Variants in TES observed in about 807,000 individuals in gnomAD.
The protein encoded by TES is testin.
In TES, 41 loss-of-function variants were observed where a neutral mutation model predicts 48.2. The ratio of observed to expected loss-of-function variants is 0.85; its 90% confidence interval spans 0.66 to 1.10. The LOEUF is 1.10. Ranked by LOEUF, TES falls within the 50% of genes least tolerant of loss-of-function variation. The pLI is 0.00. For missense variants in TES, 463 were observed against 515.1 expected (o/e 0.90, Z 0.98); for synonymous variants, 162 against 174.9 (o/e 0.93, Z 0.58).
intron 1 of TES, among the ~76,000 whole-genome samples, chr7:116,232,772 CTTTCA>C (rs778269764): frequency 2.2e-4 from 34 of 152,250 alleles, no homozygotes; most frequent in Non-Finnish European, 4.1e-4. Flanking sequence ...AATTTAAAGA[CTTTCA>C]TTTCTTTTGA....
chr7:116,251,804 C>T lies in TES; in HGVS notation c.747C>T (p.Ala249=). 1.2e-6 allele frequency: 2 copies of T among 1,614,206 alleles called. No individual in the cohort carries two copies. Among genetic ancestry groups the T allele is most frequent in the Non-Finnish European group, 1.7e-6 (2 of 1,180,048 alleles). The stretch of plus-strand genomic sequence containing the variant: ...TGAGTATGAAAGAAGGTGACCCAGC[C>T]ATCTATGCCGAAAGGGCTGGCTATG... The part of the protein sequence containing the change: ...CKLSMKEGDP[A]IYAERAGYDK... The change falls in exon 5 of 7, where the codon GCC becomes GCT. Residue 249 remains alanine (A), a synonymous_variant. Transcript: ENST00000358204.
intron 2 of TES, among the ~76,000 whole-genome samples, chr7:116,240,016 C>T (rs1799824308): frequency 1.3e-5 from 2 of 152,062 alleles, no homozygotes; most frequent in South Asian, 2.1e-4. Flanking sequence ...ATTAAAAATG[C>T]GTTACTTGAT....
intron 2 of TES, among the ~76,000 whole-genome samples, chr7:116,246,947 CTT>C (rs35662534): frequency 9.8e-4 from 129 of 131,472 alleles, no homozygotes; most frequent in Middle Eastern, 7.9e-3. Flanking sequence ...GACTAGGCCC[CTT>C]TTTTTTTTTT....
rs913219055 is a variant in TES, at chr7:116,241,813, T to C, written c.113+7194T>C. On this transcript the variant is annotated intron_variant, in intron 2 of 6. Coordinates refer to ENST00000358204, the MANE Select transcript of TES (RefSeq NM_015641.4). Reference sequence around the variant, plus strand: ...ATAGAAAAGCAGAGGCTTCCTGAGATTGTGAATTCTTCTAATTGTCAAGAC... The same window carrying C: ...ATAGAAAAGCAGAGGCTTCCTGAGACTGTGAATTCTTCTAATTGTCAAGAC... Among the ~76,000 whole-genome samples the C allele has an allele frequency of 3.3e-5, 5 of 152,174 alleles. No homozygotes were observed. The South Asian group carries it at 1.0e-3, about 32-fold the overall frequency.
At chr7:116,224,260 A>T (rs1241007051) in intron 1 of TES, among the ~76,000 whole-genome samples, 2 of 152,172 alleles carry the variant, frequency 1.3e-5, no homozygotes, top group African/African-American at 2.4e-5. Context: ...CAAATTCCTG[A>T]CACACACAAA....
chr7:116,254,348 TC>T (rs2116634377), intron 6 of TES, among the ~76,000 whole-genome samples: 1 of 152,260 alleles, frequency 6.6e-6, no homozygotes, highest in South Asian at 2.1e-4. Context: ...TACAAGCTTC[TC>T]TGTATTACAT....
intron 1 of TES, among the ~76,000 whole-genome samples, chr7:116,215,873 G>A (rs1799488163): frequency 6.6e-6 from 1 of 152,114 alleles, no homozygotes. Flanking sequence ...TAAGAATGGA[G>A]CAGCTAAAAA....
chr7:116,254,468 G>C (rs1053888419), intron 6 of TES, among the ~76,000 whole-genome samples: 26 of 152,028 alleles, frequency 1.7e-4, no homozygotes, highest in African/African-American at 5.6e-4. Context: ...AGGCATGGTG[G>C]CTCACGCCTG....
intron 1 of TES, among the ~76,000 whole-genome samples, chr7:116,226,389 C>A (rs896225543): frequency 6.6e-6 from 1 of 152,084 alleles, no homozygotes; most frequent in Non-Finnish European, 1.5e-5. Context: ...AGAATTGAGT[C>A]TGTGGGCCCA....
chr7:116,226,923 T>C (rs1221131326), intron 1 of TES, among the ~76,000 whole-genome samples: 1 of 152,166 alleles, frequency 6.6e-6, no homozygotes, highest in Non-Finnish European at 1.5e-5. Context: ...TTTTTGTTTT[T>C]ATTAGCAAAG....
At chr7:116,228,092 C>G (rs1298342080) in intron 1 of TES, among the ~76,000 whole-genome samples, 1 of 151,372 alleles carries the variant, frequency 6.6e-6, no homozygotes, top group Non-Finnish European at 1.5e-5. Context: ...TGTTGCCAAC[C>G]TATTCGACTG....
rs180968290 is a variant in TES, at chr7:116,210,968, G to A, written c.27+234G>A. 4 of 338,274 alleles carry A rather than the reference G, an allele frequency of 1.2e-5. No individual in the cohort carries two copies. The Admixed American group carries it at 2.0e-4, about 17-fold the overall frequency. 21.0% of individuals were successfully genotyped at this position (338,274 alleles called of 1,614,324 possible). On this transcript the variant is annotated intron_variant, in intron 1 of 6. Transcript: ENST00000358204. ...CAGAATTGGAAGCGCGAGCGAGGGCGGGCGCGGGACTCTTCTCTCCAGTCT... is the reference window on the plus strand; with the variant it reads ...CAGAATTGGAAGCGCGAGCGAGGGCAGGCGCGGGACTCTTCTCTCCAGTCT...
intron 2 of TES, among the ~76,000 whole-genome samples, chr7:116,238,585 C>CATTATTATTATTATTATTATTATT (rs375782060): frequency 4.1e-4 from 53 of 129,364 alleles, no homozygotes; most frequent in Middle Eastern, 4.2e-3. Context: ...CAACATCCAT[C>CATTATTATTATTATTATTATTATT]ATTATTATTA....
At chr7:116,221,154 A>G (rs1024870681) in intron 1 of TES, among the ~76,000 whole-genome samples, 1 of 152,142 alleles carries the variant, frequency 6.6e-6, no homozygotes, top group African/African-American at 2.4e-5. Context: ...TAAAAATTTA[A>G]TATATTTAAT....
chr7:116,224,114 T>C (rs1339085473), intron 1 of TES, among the ~76,000 whole-genome samples: 1 of 152,212 alleles, frequency 6.6e-6, no homozygotes, highest in African/African-American at 2.4e-5. Context: ...TACCATGTCC[T>C]GAGGTACCCA....
At chr7:116,224,543 TTTAA>T (rs1799598673) in intron 1 of TES, among the ~76,000 whole-genome samples, 2 of 152,152 alleles carry the variant, frequency 1.3e-5, no homozygotes, top group African/African-American at 4.8e-5. Flanking sequence ...TGCTCATTCT[TTTAA>T]TTTTTTTTTT....
At chr7:116,221,106 T>C (rs1799552056) in intron 1 of TES, among the ~76,000 whole-genome samples, 1 of 152,202 alleles carries the variant, frequency 6.6e-6, no homozygotes, top group African/African-American at 2.4e-5. Context: ...CTGGGGGATA[T>C]ATTAAATTAC....
At chr7:116,252,565 A>G (rs762379632) in intron 6 of TES, 89 bp downstream of exon 6, 12 of 1,593,370 alleles carry the variant, frequency 7.5e-6, no homozygotes, top group Non-Finnish European at 1.0e-5. Flanking sequence ...AATGGGAAAC[A>G]GAAAGCAGTC....
chr7:116,247,621 T>A (rs1244284550), intron 2 of TES, among the ~76,000 whole-genome samples: 1 of 152,190 alleles, frequency 6.6e-6, no homozygotes, highest in Non-Finnish European at 1.5e-5. Context: ...ATCAAATGAA[T>A]AATTGCTTCT....
Sources: gnomAD v4.1 joint callset for allele counts (sites outside exome capture counted in the v4.1 genomes callset) on GRCh38, gnomAD v4.1.1 for gene constraint, MANE v1.5 for transcripts, NCBI Gene and HGNC (gene_info 2026-07-23, HGNC 2026-07-21) for gene names.